Variants in ALS2 observed in about 807,000 individuals in gnomAD.
ALS2 encodes the protein alsin Rho guanine nucleotide exchange factor ALS2.
A neutral mutation model predicts 203.4 loss-of-function variants in ALS2; 117 were observed. That is an observed-to-expected ratio of 0.58 (90% confidence interval 0.50 to 0.67). The LOEUF is 0.67. ALS2 is among the 30% of genes least tolerant of loss of function. ALS2 has a pLI of 0.00. For synonymous variants in ALS2, 718 were observed against 725.9 expected (o/e 0.99, Z 0.17); for missense variants, 1,715 against 1,989.4 (o/e 0.86, Z 2.62).
At chr2:201,761,844 A>G (rs1043025951) in intron 3 of ALS2, 26 bp from the exon 4 acceptor site, 22 of 1,527,212 alleles carry the variant, frequency 1.4e-5, no homozygotes, top group African/African-American at 4.2e-5. Flanking sequence ...AAGAAAAAAG[A>G]AAAAAAAAAG....
chr2:201,764,388 T>C (rs1020721392), intron 3 of ALS2, among the ~76,000 whole-genome samples: 1 of 151,852 alleles, frequency 6.6e-6, no homozygotes, highest in African/African-American at 2.4e-5. Context: ...TCCCAGCACT[T>C]TGGGAGGCAG....
At chr2:201,753,919 C>T (rs1693222148) in intron 6 of ALS2, among the ~76,000 whole-genome samples, 1 of 152,166 alleles carries the variant, frequency 6.6e-6, no homozygotes, top group African/African-American at 2.4e-5. Flanking sequence ...TATCCCAACA[C>T]CCCTTTCTGT....
At chr2:201,736,369 C>A (rs1030517602) in intron 12 of ALS2, among the ~76,000 whole-genome samples, 1 of 152,078 alleles carries the variant, frequency 6.6e-6, no homozygotes, top group Non-Finnish European at 1.5e-5. Flanking sequence ...TCCAATAATT[C>A]ATAATGGATT....
At chr2:201,702,035 T>C in intron 33 of ALS2, 146 bp from the exon 34 acceptor site, 1 of 756,426 alleles carries the variant, frequency 1.3e-6, no homozygotes, top group Admixed American at 2.1e-5. Flanking sequence ...CACTTTTCCC[T>C]GTTCCCTTCT....
chr2:201,780,675 G>A (rs1694867469), intron 1 of ALS2, among the ~76,000 whole-genome samples: 1 of 152,252 alleles, frequency 6.6e-6, no homozygotes, highest in Admixed American at 6.5e-5. Context: ...CGCCTCGGGC[G>A]CTGCTGGACC....
intron 25 of ALS2, among the ~76,000 whole-genome samples, chr2:201,713,133 CTTTTTTTT>C (rs35807671): frequency 1.0e-5 from 1 of 96,256 alleles, no homozygotes; most frequent in African/African-American, 3.9e-5. Flanking sequence ...CTTTTCTTTT[CTTTTTTTT>C]TTTTTTTTTT....
intron 27 of ALS2, among the ~76,000 whole-genome samples, chr2:201,708,869 T>C (rs756318870): frequency 3.3e-5 from 2 of 59,952 alleles, no homozygotes; most frequent in Non-Finnish European, 7.2e-5. Context: ...TCTGCCCTAA[T>C]TGTATAGTTG....
At chr2:201,728,725 C>T in intron 14 of ALS2, 85 bp from the exon 15 acceptor site, 1 of 1,505,482 alleles carries the variant, frequency 6.6e-7, no homozygotes, top group Middle Eastern at 2.1e-4. Context: ...ACACAAATCA[C>T]ATTTAAGGGA....
chr2:201,730,241 C>T (rs1691472415), intron 13 of ALS2, among the ~76,000 whole-genome samples: 1 of 152,156 alleles, frequency 6.6e-6, no homozygotes, highest in African/African-American at 2.4e-5. Flanking sequence ...ATCCAGGGGT[C>T]TATCATGCAC....
Position 201,761,709 on chromosome 2 carries a change from A to C in ALS2, c.285T>G (p.Thr95=), listed in dbSNP as rs2106089879. 6.2e-7 allele frequency: 1 copy of C among 1,614,212 alleles called. No homozygotes were observed. Among genetic ancestry groups the C allele is most frequent in the Non-Finnish European group, 8.5e-7 (1 of 1,180,042 alleles). The part of the protein sequence containing the change: ...ENALVGQYVI[T]VATGSFHSGA... ...CACTATGGAAGCTTCCTGTTGCCAC[A>C]GTAATAACATATTGCCCAACCAGGG... The change falls in exon 4 of 34, where the codon ACT becomes ACG. Residue 95 remains threonine, a synonymous_variant. Coordinates refer to ENST00000264276, the MANE Select transcript of ALS2 (RefSeq NM_020919.4).
At position 201,723,131 on chromosome 2, in the gene ALS2, A is replaced by G. The variant is rs1690917549; in HGVS notation, c.3625-11T>C. On this transcript the variant is annotated splice_polypyrimidine_tract_variant and intron_variant, in intron 22 of 33. Coordinates refer to ENST00000264276, the MANE Select transcript of ALS2 (RefSeq NM_020919.4). ...CAAAACCCCATTTCCCTACAAGAAG[A>G]AACAAGAGAAAAATTACAACACATA... 1 of 1,602,876 alleles carries G rather than the reference A, an allele frequency of 6.2e-7. No homozygotes were observed. Among genetic ancestry groups the G allele is most frequent in the African/African-American group, 1.3e-5 (1 of 74,590 alleles).
rs1317734155 is a variant in ALS2 at position 201,725,441 on chromosome 2, T to G, written c.3262A>C (p.Arg1088=). ...NGLEDGYGEY[R]IPNKAMNKED... ...TTGTTCATTGCCTTGTTTGGGATTC[T>G]GTATTCTCCATACCTGCCATGAAAA... is the stretch of plus-strand genomic sequence containing the variant. Residue 1088 remains arginine (R), a synonymous_variant, in exon 20 of 34, where the codon AGA becomes CGA. Coordinates refer to ENST00000264276, the MANE Select transcript of ALS2 (RefSeq NM_020919.4). The G allele has an allele frequency of 6.2e-7, 1 of 1,613,948 alleles. No homozygotes were observed. Among genetic ancestry groups the G allele is most frequent in the Non-Finnish European group, 8.5e-7 (1 of 1,179,858 alleles).
intron 12 of ALS2, among the ~76,000 whole-genome samples, chr2:201,734,071 T>C (rs1031187022): frequency 6.6e-6 from 1 of 152,334 alleles, no homozygotes; most frequent in East Asian, 1.9e-4. Context: ...AATTAGCTAA[T>C]ATTCAGTTTT....
intron 4 of ALS2, among the ~76,000 whole-genome samples, chr2:201,758,736 C>A (rs1158739243): frequency 1.5e-5 from 2 of 133,982 alleles, no homozygotes; most frequent in Non-Finnish European, 3.2e-5. Flanking sequence ...AACTAAAATA[C>A]AAATATAATG....
intron 1 of ALS2, among the ~76,000 whole-genome samples, chr2:201,776,520 T>A (rs1694669028): frequency 6.6e-6 from 1 of 152,214 alleles, no homozygotes; most frequent in Admixed American, 6.5e-5. Context: ...ATTATAATAC[T>A]AACAAATGAA....
intron 3 of ALS2, among the ~76,000 whole-genome samples, chr2:201,763,955 T>C (rs547691293): frequency 2.6e-5 from 4 of 152,060 alleles, no homozygotes; most frequent in East Asian, 1.9e-4. Context: ...ATAAGCACTG[T>C]TTTTTTTCTC....
chr2:201,738,068 A>C (rs1691999401), intron 12 of ALS2, among the ~76,000 whole-genome samples: 1 of 152,160 alleles, frequency 6.6e-6, no homozygotes, highest in African/African-American at 2.4e-5. Context: ...TGGGAGGCTG[A>C]GACAGGAGAA....
intron 13 of ALS2, 101 bp downstream of exon 13, chr2:201,733,175 T>C: frequency 8.0e-7 from 1 of 1,248,564 alleles, no homozygotes; most frequent in East Asian, 2.4e-5. Flanking sequence ...CAGGTAAATA[T>C]TAAATTACTG....
chr2:201,760,601 A>T, intron 4 of ALS2: 4 of 1,227,000 alleles, frequency 3.3e-6, no homozygotes, highest in Non-Finnish European at 4.1e-6. Context: ...AGCCATAGAA[A>T]AAAAGTACTA....
Sources: allele counts gnomAD v4.1 joint callset (sites outside exome capture counted in the v4.1 genomes callset), GRCh38; gene constraint gnomAD v4.1.1; transcripts MANE v1.5; gene names NCBI Gene and HGNC (gene_info 2026-07-23, HGNC 2026-07-21).